SMTNL1: variants seen among roughly 807,000 people sequenced by gnomAD.
SMTNL1 encodes smoothelin like 1.
In SMTNL1, 41 loss-of-function variants were observed where a neutral mutation model predicts 46.6. The ratio of observed to expected loss-of-function variants is 0.88; its 90% CI spans 0.69 to 1.14. SMTNL1 has a LOEUF of 1.14. SMTNL1 is among the 50% of genes most tolerant of loss of function. SMTNL1 has a pLI of 0.00. For missense variants in SMTNL1, 591 were observed against 626.1 expected, an observed-to-expected ratio of 0.94 and a Z score of 0.60; for synonymous variants, 234 against 234.2, an observed-to-expected ratio of 1.00 and a Z score of 0.01.
chr11:57,547,341 T>C (rs1944930036), intron 7 of SMTNL1, among the ~76,000 whole-genome samples: 2 of 152,224 alleles, frequency 1.3e-5, no homozygotes, highest in African/African-American at 4.8e-5. Flanking sequence ...AGTCATCAGA[T>C]GACAAAGACA....
Position 57,542,141 on chromosome 11 carries a change from C to CAAAAAA in SMTNL1, c.-2-499_-2-498insAAAAAA, listed in dbSNP as rs1159084776. ...ACACACACACACACACACACACACA[C>CAAAAAA]ACAAAAATTAGCCAGGTGTGGTGGT... On this transcript the variant is annotated intron_variant, in intron 1 of 7. Coordinates refer to ENST00000527972, the MANE Select transcript of SMTNL1 (RefSeq NM_001105565.3). Among the ~76,000 whole-genome samples, 42 of 148,786 alleles carry CAAAAAA rather than the reference C, an allele frequency of 2.8e-4. 1 individual carries two copies. Among genetic ancestry groups the CAAAAAA allele is most frequent in the Middle Eastern group, 3.4e-3 (1 of 290 alleles).
At chr11:57,542,494 C>A in intron 1 of SMTNL1, 147 bp from the exon 2 acceptor site, 1 of 888,152 alleles carries the variant, frequency 1.1e-6, no homozygotes. Context: ...GCACTTCTCT[C>A]TCCTTCGTGA....
intron 7 of SMTNL1, among the ~76,000 whole-genome samples, chr11:57,548,011 T>G (rs766998414): frequency 1.3e-5 from 2 of 152,138 alleles, no homozygotes; most frequent in Non-Finnish European, 2.9e-5. Context: ...GTTGCTCACT[T>G]TGGCCTTGGG....
At chr11:57,549,289 G>A (rs1215945329) in intron 7 of SMTNL1, among the ~76,000 whole-genome samples, 1 of 152,114 alleles carries the variant, frequency 6.6e-6, no homozygotes, top group Non-Finnish European at 1.5e-5. Flanking sequence ...GCCTCCCAAA[G>A]TGCTGGGACT....
intron 7 of SMTNL1, 38 bp downstream of exon 7, chr11:57,546,690 G>A (rs1045235022): frequency 6.3e-7 from 1 of 1,597,178 alleles, no homozygotes; most frequent in African/African-American, 1.3e-5. Context: ...CTGGATGGGA[G>A]CCTAGGCGAG....
chr11:57,550,225 G>C lies in SMTNL1; in HGVS notation c.*113G>C. 8.6e-7 allele frequency: 1 copy of C among 1,163,732 alleles called. No homozygotes were observed. The highest frequency in any genetic ancestry group is 1.2e-6 in the Non-Finnish European group (1 of 835,470). 72.1% of individuals were successfully genotyped at this position (1,163,732 alleles called of 1,614,324 possible). The stretch of plus-strand genomic sequence containing the variant: ...ACCAGAGCCAGGGGCTTAGGCAAGG[G>C]TGTGTGGCGTTGGTTTTAACTGCAT... On this transcript the variant is annotated 3_prime_UTR_variant, in exon 8 of 8. Coordinates refer to ENST00000527972, the MANE Select transcript of SMTNL1 (RefSeq NM_001105565.3).
chr11:57,549,907 C>G (rs1292133505), intron 7 of SMTNL1, 61 bp from the exon 8 acceptor site: 1 of 1,587,638 alleles, frequency 6.3e-7, no homozygotes, highest in Non-Finnish European at 8.6e-7. Flanking sequence ...TGCACCCATC[C>G]CCTTGGCTCC....
intron 1 of SMTNL1, among the ~76,000 whole-genome samples, chr11:57,538,257 A>G (rs1180476090): frequency 6.6e-6 from 1 of 152,180 alleles, no homozygotes; most frequent in East Asian, 1.9e-4. Flanking sequence ...ATGAGGCTGC[A>G]GTGGGTGGCA....
intron 6 of SMTNL1, 26 bp from the exon 7 acceptor site, chr11:57,546,475 C>A (rs758058873): frequency 3.1e-6 from 5 of 1,613,400 alleles, no homozygotes; most frequent in Non-Finnish European, 4.2e-6. Context: ...CTCACTGAGG[C>A]CTCCTCTGTG....
In SMTNL1 at chr11:57,550,196, A is replaced by G; in HGVS notation, c.*84A>G. ...CCGGGGGTTCCCTTCTGCTCCATGG[A>G]GGCACCAGAGCCAGGGGCTTAGGCA... On this transcript the variant is annotated 3_prime_UTR_variant, in exon 8 of 8. Coordinates refer to ENST00000527972, the MANE Select transcript of SMTNL1 (RefSeq NM_001105565.3). 1 of 1,418,110 alleles carries G rather than the reference A, an allele frequency of 7.1e-7. No homozygotes were observed. The highest frequency in any genetic ancestry group is 1.8e-4 in the Middle Eastern group (1 of 5,488). The allele number at this position is 1,418,110 out of a possible 1,614,324, so 87.8% of individuals were successfully genotyped here. A position where few individuals can be genotyped will look rare whatever the true frequency, so the allele number is the denominator to read the frequency against.
chr11:57,539,033 G>A (rs1944853159), intron 1 of SMTNL1, among the ~76,000 whole-genome samples: 1 of 152,084 alleles, frequency 6.6e-6, no homozygotes, highest in Non-Finnish European at 1.5e-5. Context: ...CCCTAAGTAT[G>A]CAGCGTGTAG....
At chr11:57,540,733 CG>C (rs1944868035) in intron 1 of SMTNL1, among the ~76,000 whole-genome samples, 1 of 129,714 alleles carries the variant, frequency 7.7e-6, no homozygotes. Flanking sequence ...TTTTTTGAGA[CG>C]GAGTCTCGCT....
intron 1 of SMTNL1, among the ~76,000 whole-genome samples, chr11:57,542,285 G>T (rs1020678127): frequency 6.6e-6 from 1 of 152,164 alleles, no homozygotes; most frequent in Non-Finnish European, 1.5e-5. Flanking sequence ...ATGACAGAGC[G>T]AGACCTTGTC....
At chr11:57,545,796 C>CCCCCA in intron 4 of SMTNL1, 85 bp from the exon 5 acceptor site, 8 of 1,256,118 alleles carry the variant, frequency 6.4e-6, no homozygotes, top group Non-Finnish European at 8.9e-6. Context: ...CAGTGCCACC[C>CCCCCA]ACCCTCCAGC....
rs755967024 is a variant in SMTNL1 at position 57,546,582 on chromosome 11, G to A, written c.1270G>A (p.Ala424Thr). 34 of 1,613,986 alleles carry A rather than the reference G, an allele frequency of 2.1e-5. No individual in the cohort carries two copies. The highest frequency in any genetic ancestry group is 3.3e-5 in the Admixed American group (2 of 59,994). ...CALIHKFFPD[A>T]FDYAELDPAK... ...CCTCATCCACAAGTTCTTCCCTGAC[G>A]CCTTTGACTACGCAGAGCTGGATCC... Residue 424 changes from alanine to threonine, a missense_variant, in exon 7 of 8, where the codon GCC (alanine) becomes ACC (threonine). Transcript: ENST00000527972.
At chr11:57,549,110 C>T (rs1234024561) in intron 7 of SMTNL1, among the ~76,000 whole-genome samples, 7 of 151,710 alleles carry the variant, frequency 4.6e-5, no homozygotes, top group African/African-American at 1.7e-4. Context: ...ACTGCAACCT[C>T]CACCTCCTGG....
chr11:57,545,812 A>C, intron 4 of SMTNL1, 69 bp from the exon 5 acceptor site: 14 of 1,150,812 alleles, frequency 1.2e-5, no homozygotes, highest in South Asian at 1.4e-5. Flanking sequence ...CCAGCCCCAC[A>C]GCCCCCTCCC....
chr11:57,546,586 T>C lies in SMTNL1; in HGVS notation c.1274T>C (p.Phe425Ser), dbSNP rs1410688382. The C allele has an allele frequency of 3.1e-6, 5 of 1,613,954 alleles. No homozygotes were observed. The highest frequency in any genetic ancestry group is 1.6e-4 in the Middle Eastern group (1 of 6,084). ...ALIHKFFPDA[F>S]DYAELDPAKR... is the part of the protein sequence containing the mutation. ...ATCCACAAGTTCTTCCCTGACGCCT[T>C]TGACTACGCAGAGCTGGATCCCGCA... Residue 425 changes from phenylalanine (F) to serine (S), a missense_variant, in exon 7 of 8, where the codon TTT (phenylalanine) becomes TCT (serine). Transcript: ENST00000527972.
At position 57,549,953 on chromosome 11, in the gene SMTNL1, C is replaced by T; in HGVS notation, c.1341-15C>T. ...ACCTTTGACCTTCTGCTCCTCATTC[C>T]ACCCCATTCCTTAGGAAACTGGCTG... On this transcript the variant is annotated splice_polypyrimidine_tract_variant and intron_variant, in intron 7 of 7. Transcript: ENST00000527972. The T allele has an allele frequency of 6.2e-7, 1 of 1,613,438 alleles. No homozygotes were observed.
Sources: allele counts gnomAD v4.1 joint callset (sites outside exome capture counted in the v4.1 genomes callset), GRCh38; gene constraint gnomAD v4.1.1; transcripts MANE v1.5; gene names NCBI Gene and HGNC (gene_info 2026-07-23, HGNC 2026-07-21).